SVIL: variants seen among roughly 807,000 people sequenced by gnomAD.
SVIL encodes archvillin.
A neutral mutation model predicts 240.4 loss-of-function variants in SVIL; 101 were observed. The observed-to-expected ratio is 0.42, with a 90% confidence interval of 0.36 to 0.50. The LOEUF (loss-of-function observed/expected upper bound fraction) is 0.50. Ranked by LOEUF, SVIL falls within the 20% of genes least tolerant of loss-of-function variation. SVIL has a pLI of 0.01. For missense variants in SVIL, 2,512 were observed against 2,818.7 expected (o/e 0.89, Z 2.46); for synonymous variants, 999 against 1,100.0 (o/e 0.91, Z 1.82).
At chr10:29,529,876 A>C (rs1055611628) in intron 11 of SVIL, 32 bp from the exon 12 acceptor site, 1 of 1,574,606 alleles carries the variant, frequency 6.4e-7, no homozygotes, top group Non-Finnish European at 8.6e-7. Context: ...AACCCTTATA[A>C]ATTCAAGGAA....
chr10:29,728,040 C>T (rs953171067), intron 1 of SVIL, among the ~76,000 whole-genome samples: 5 of 152,174 alleles, frequency 3.3e-5, no homozygotes, highest in Non-Finnish European at 7.3e-5. Context: ...CTGGTATATT[C>T]TCATGGACAG....
chr10:29,684,500 G>T (rs1170370704), intron 2 of SVIL, among the ~76,000 whole-genome samples: 1 of 152,204 alleles, frequency 6.6e-6, no homozygotes, highest in East Asian at 1.9e-4. Flanking sequence ...CTGGAAATTG[G>T]TTGAAAGAGT....
rs768177897 is a variant in SVIL at position 29,533,287 on chromosome 10, T to C, written c.1080A>G (p.Thr360=). The part of the protein sequence containing the change: ...DRVPSKAAGS[T]RQPIRGYVQP... ...GGACATAGCCACGGATTGGCTGTCGTGTAGAGCCTGCTGCCTTGCTGGGGA... is the reference window on the plus strand; with the variant it reads ...GGACATAGCCACGGATTGGCTGTCGCGTAGAGCCTGCTGCCTTGCTGGGGA... Residue 360 remains threonine, a synonymous_variant, in exon 8 of 38, where the codon ACA becomes ACG. Transcript: ENST00000355867. 2.1e-5 allele frequency: 34 copies of C among 1,613,986 alleles called. No homozygotes were observed. Among genetic ancestry groups the C allele is most frequent in the Non-Finnish European group, 2.7e-5 (32 of 1,180,018 alleles).
intron 6 of SVIL, among the ~76,000 whole-genome samples, chr10:29,550,305 G>A (rs1005616776): frequency 9.2e-5 from 14 of 151,916 alleles, no homozygotes; most frequent in African/African-American, 2.9e-4. Flanking sequence ...AGCCGGGCGT[G>A]GTGGCATGTG....
intron 6 of SVIL, 44 bp from the exon 7 acceptor site, chr10:29,536,113 G>T: frequency 6.4e-7 from 1 of 1,557,054 alleles, no homozygotes; most frequent in South Asian, 1.1e-5. Flanking sequence ...CTATTAAAAC[G>T]TCAACATATA....
At chr10:29,468,290 G>T (rs1161184590) in intron 32 of SVIL, among the ~76,000 whole-genome samples, 3 of 152,130 alleles carry the variant, frequency 2.0e-5, no homozygotes, top group Non-Finnish European at 4.4e-5. Flanking sequence ...GTTGTAGCAT[G>T]TATCAATACT....
In SVIL at chr10:29,480,639, T is replaced by A; in HGVS notation, c.5275A>T (p.Ile1759Phe). ...AGCCTGCTATAGTCGAATTCCAGGA[T>A]GTGCCAGACATCCACGGAAACGCTG... Reference protein sequence around the residue: ...ITSVSVDVWHILEFDYSRLPK... With the variant: ...ITSVSVDVWHFLEFDYSRLPK... The change falls in exon 29 of 38, where the codon ATC becomes TTC. Residue 1759 changes from isoleucine to phenylalanine, a missense_variant. Transcript: ENST00000355867. The A allele has an allele frequency of 6.2e-7, 1 of 1,614,218 alleles. No homozygotes were observed. Among genetic ancestry groups the A allele is most frequent in the South Asian group, 1.1e-5 (1 of 91,088 alleles).
intron 1 of SVIL, among the ~76,000 whole-genome samples, chr10:29,724,572 A>G (rs916461506): frequency 6.6e-6 from 1 of 152,154 alleles, no homozygotes; most frequent in Non-Finnish European, 1.5e-5. Context: ...AGAATGAAAA[A>G]AAATATATAA....
At chr10:29,580,657 A>G (rs1202477154) in intron 1 of SVIL, among the ~76,000 whole-genome samples, 1 of 149,484 alleles carries the variant, frequency 6.7e-6, no homozygotes, top group Non-Finnish European at 1.5e-5. Flanking sequence ...TAACTAATTA[A>G]TGTATGTATG....
At chr10:29,539,411 T>C (rs1278828073) in intron 6 of SVIL, among the ~76,000 whole-genome samples, 1 of 152,210 alleles carries the variant, frequency 6.6e-6, no homozygotes, top group Non-Finnish European at 1.5e-5. Flanking sequence ...GGCCTGACTT[T>C]GTCTTTAGTA....
intron 12 of SVIL, among the ~76,000 whole-genome samples, chr10:29,528,588 A>T (rs1951106747): frequency 6.6e-6 from 1 of 151,730 alleles, no homozygotes; most frequent in Admixed American, 6.6e-5. Flanking sequence ...AAAATACAAA[A>T]ATTAGCCAGG....
rs148419933 is a variant in SVIL at position 29,554,524 on chromosome 10, G to T, written c.160+259C>A. 5.1e-4 allele frequency among the ~76,000 whole-genome samples: 77 copies of T among 152,116 alleles called. No homozygotes were observed. In the Middle Eastern group the frequency reaches 0.01, roughly 20 times the overall value. On this transcript the variant is annotated intron_variant, in intron 5 of 37. Coordinates refer to ENST00000355867, the MANE Select transcript of SVIL (RefSeq NM_021738.3). Reference sequence around the variant, plus strand: ...AAATTAGCCTGGTGTGGTGGTGTAAGCCTGTAGTCCCAGCAACTCAGGAGG... The same window carrying T: ...AAATTAGCCTGGTGTGGTGGTGTAATCCTGTAGTCCCAGCAACTCAGGAGG...
intron 1 of SVIL, among the ~76,000 whole-genome samples, chr10:29,720,104 A>C (rs921696649): frequency 3.9e-5 from 6 of 152,172 alleles, no homozygotes; most frequent in African/African-American, 1.2e-4. Flanking sequence ...GTTGCTCGGG[A>C]GGCTGAGGCA....
At chr10:29,539,637 T>C (rs1274388007) in intron 6 of SVIL, among the ~76,000 whole-genome samples, 2 of 152,140 alleles carry the variant, frequency 1.3e-5, no homozygotes, top group Non-Finnish European at 2.9e-5. Flanking sequence ...ACTTCTGAGT[T>C]GTGCAGCAGC....
At chr10:29,576,100 T>C in intron 1 of SVIL, 2 of 985,348 alleles carry the variant, frequency 2.0e-6, no homozygotes, top group Non-Finnish European at 2.4e-6. Flanking sequence ...GTACCTGACT[T>C]TTCTCTCCCG....
chr10:29,508,448 G>C, intron 17 of SVIL: 9 of 1,263,144 alleles, frequency 7.1e-6, no homozygotes, highest in Non-Finnish European at 8.3e-6. Context: ...AGCCTGGTCA[G>C]GGCATCGCAA....
At chr10:29,538,609 G>A (rs949164458) in intron 6 of SVIL, among the ~76,000 whole-genome samples, 2 of 152,206 alleles carry the variant, frequency 1.3e-5, no homozygotes, top group African/African-American at 4.8e-5. Context: ...CTCCCAGATC[G>A]CCACCAGCCA....
At chr10:29,601,283 C>T (rs1242727501) in intron 1 of SVIL, among the ~76,000 whole-genome samples, 2 of 152,234 alleles carry the variant, frequency 1.3e-5, no homozygotes, top group African/African-American at 4.8e-5. Context: ...ATGTACACAT[C>T]AGTTTTACCC....
intron 1 of SVIL, among the ~76,000 whole-genome samples, chr10:29,690,507 C>A (rs1002342330): frequency 6.6e-6 from 1 of 151,982 alleles, no homozygotes; most frequent in East Asian, 1.9e-4. Flanking sequence ...CATTTAGAAC[C>A]AAGCATACAT....
Sources: gnomAD v4.1 joint callset for allele counts (sites outside exome capture counted in the v4.1 genomes callset) on GRCh38, gnomAD v4.1.1 for gene constraint, MANE v1.5 for transcripts, NCBI Gene and HGNC (gene_info 2026-07-23, HGNC 2026-07-21) for gene names.